The following BOK variants were observed in gnomAD, a reference collection of about 807,000 sequenced individuals.
The protein encoded by BOK is bcl-2-related ovarian killer protein.
In BOK, 20 loss-of-function variants were observed where a neutral mutation model predicts 18.3. That is an observed-to-expected ratio of 1.09 (90% CI 0.77 to 1.59). The LOEUF (loss-of-function observed/expected upper bound fraction) is 1.59, where lower values mean the gene tolerates loss of function less well. Ranked by LOEUF, BOK falls within the 40% of genes most tolerant of loss-of-function variation. The probability of loss-of-function intolerance (pLI) is 0.00; values close to 1 mark genes in which losing one functional copy is unlikely to be tolerated. For synonymous variants in BOK, 173 were observed against 142.4 expected, an observed-to-expected ratio of 1.21 and a Z score of -1.53; for missense variants, 348 against 307.9, an observed-to-expected ratio of 1.13 and a Z score of -0.97.
chr2:241,569,076 A>G (rs2066662494), intron 3 of BOK, among the ~76,000 whole-genome samples: 1 of 152,198 alleles, frequency 6.6e-6, no homozygotes, highest in African/African-American at 2.4e-5. Flanking sequence ...CTTCCCACCA[A>G]GGTTTACAAG....
At chr2:241,555,865 A>C (rs997341875), upstream of BOK, among the ~76,000 whole-genome samples, 1 of 152,212 alleles carries the variant, frequency 6.6e-6, no homozygotes, top group African/African-American at 2.4e-5. Context: ...AGGAAGTATG[A>C]GTTCATTCTG....
chr2:241,569,853 G>C (rs905821936), intron 3 of BOK, among the ~76,000 whole-genome samples: 3 of 152,214 alleles, frequency 2.0e-5, no homozygotes, highest in African/African-American at 4.8e-5. Context: ...TCCATCTGCT[G>C]CTGCCCTCAG....
chr2:241,569,090 G>A (rs1043432340), intron 3 of BOK, among the ~76,000 whole-genome samples: 1 of 152,196 alleles, frequency 6.6e-6, no homozygotes, highest in Non-Finnish European at 1.5e-5. Context: ...TTACAAGGCT[G>A]TGCAGTGGCC....
chr2:241,559,792 A>G (rs1282759242), intron 2 of BOK, 89 bp downstream of exon 2: 1 of 1,240,340 alleles, frequency 8.1e-7, no homozygotes, highest in Non-Finnish European at 1.0e-6. Flanking sequence ...GGTCCGGCCC[A>G]GGGGCGCCCA....
At chr2:241,557,308 CTTTTT>C (rs59048690), upstream of BOK, among the ~76,000 whole-genome samples, 174 of 126,750 alleles carry the variant, frequency 1.4e-3, 1 homozygote, top group African/African-American at 4.7e-3. Flanking sequence ...TTTCTTTTTC[CTTTTT>C]TTTTTTTTTT....
chr2:241,560,900 C>T (rs1025369722), intron 2 of BOK, among the ~76,000 whole-genome samples: 1 of 152,226 alleles, frequency 6.6e-6, no homozygotes, highest in Non-Finnish European at 1.5e-5. Context: ...TCTGCCCTCA[C>T]GGCTGCTCAG....
At chr2:241,555,897 T>C (rs2066447064), upstream of BOK, among the ~76,000 whole-genome samples, 1 of 152,114 alleles carries the variant, frequency 6.6e-6, no homozygotes, top group African/African-American at 2.4e-5. Context: ...ACTGAGCCTG[T>C]GAATGGGGCA....
Position 241,562,437 on chromosome 2 carries a change from G to T in BOK, c.310G>T (p.Asp104Tyr). 6.2e-7 allele frequency: 1 copy of T among 1,612,138 alleles called. No individual in the cohort carries two copies. The highest frequency in any genetic ancestry group is 8.5e-7 in the Non-Finnish European group (1 of 1,179,848). ...CCTGCAGTCTGAGCCTGTGGTGACC[G>T]ATGCGTTCCTGGCCGTGGCTGGCCA... ...ISLQSEPVVT[D>Y]AFLAVAGHIF... Residue 104 changes from aspartate (D) to tyrosine (Y), a missense_variant, in exon 3 of 5, where the codon GAT (aspartate) becomes TAT (tyrosine). Physicochemically the swap from Asp to Tyr is radical, Grantham distance 160. Transcript: ENST00000318407. This position sits in a 1 kb window ranked among gnomAD's most constrained non-coding sequence, Gnocchi z 4.5.
intron 1 of BOK, among the ~76,000 whole-genome samples, chr2:241,553,310 C>T (rs2066427377): frequency 6.6e-6 from 1 of 152,078 alleles, no homozygotes; most frequent in Admixed American, 6.5e-5. Flanking sequence ...GCTACCACAC[C>T]CAGCTAATTT....
At chr2:241,563,565 G>A (rs1345929789) in intron 3 of BOK, among the ~76,000 whole-genome samples, 3 of 152,220 alleles carry the variant, frequency 2.0e-5, no homozygotes, top group Non-Finnish European at 2.9e-5. Flanking sequence ...AAGCTTGGAG[G>A]AGGGGCATGC....
intron 1 of BOK, 39 bp from the exon 2 acceptor site, chr2:241,559,416 G>T: frequency 8.0e-7 from 1 of 1,252,852 alleles, no homozygotes; most frequent in Non-Finnish European, 1.0e-6. Flanking sequence ...CGTTCCCCGC[G>T]CCGCCTCCCT....
intron 2 of BOK, among the ~76,000 whole-genome samples, chr2:241,561,211 C>T (rs2066522510): frequency 6.6e-6 from 1 of 152,244 alleles, no homozygotes; most frequent in Non-Finnish European, 1.5e-5. Context: ...ACTGGCCGGG[C>T]TGCGGACTCC....
At position 241,570,195 on chromosome 2, in the gene BOK, G is replaced by A. The variant is rs1225195195; in HGVS notation, c.420G>A (p.Gln140=). The stretch of plus-strand genomic sequence containing the variant: ...GGCTGGCCGTGGACTGTGTGAGGCA[G>A]GCCCAGCCTGCCATGGTCCACGCCC... ...AAGLAVDCVR[Q]AQPAMVHALV... The change falls in exon 4 of 5, where the codon CAG becomes CAA. Residue 140 remains glutamine, a synonymous_variant. Transcript: ENST00000318407. 1 of 1,607,606 alleles carries A rather than the reference G, an allele frequency of 6.2e-7. No homozygotes were observed.
At chr2:241,572,186 C>T in intron 4 of BOK, 111 bp from the exon 5 acceptor site, 2 of 1,484,882 alleles carry the variant, frequency 1.3e-6, no homozygotes, top group Non-Finnish European at 1.8e-6. Context: ...TCCTGCATTC[C>T]CTTCATGCAA....
intron 2 of BOK, chr2:241,560,159 G>A: frequency 2.0e-6 from 2 of 985,480 alleles, no homozygotes; most frequent in Non-Finnish European, 2.4e-6. Flanking sequence ...GCGCCCACCG[G>A]GCTGGGTAGC....
At chr2:241,559,414 G>A (rs1475855746) in intron 1 of BOK, 41 bp from the exon 2 acceptor site, 3 of 1,251,624 alleles carry the variant, frequency 2.4e-6, no homozygotes, top group East Asian at 6.4e-5. Context: ...CCCGTTCCCC[G>A]CGCCGCCTCC....
rs898312597 is a variant in BOK, at chr2:241,558,891, G to C, written c.-132G>C. 1 of 151,846 alleles carries C rather than the reference G, an allele frequency of 6.6e-6. No individual in the cohort carries two copies. Among genetic ancestry groups the C allele is most frequent in the African/African-American group, 2.4e-5 (1 of 41,404 alleles). The allele number at this position is 151,846 out of a possible 1,614,324, so 9.4% of individuals were successfully genotyped here. On this transcript the variant is annotated 5_prime_UTR_variant, in exon 1 of 5. Transcript: ENST00000318407. The stretch of plus-strand genomic sequence containing the variant: ...CGGGGCGGGCGCCGGGGCGGGGCGC[G>C]CGTCCTCGCGGGTCTGAATGGAAGG...
chr2:241,561,207 C>T (rs1424953773), intron 2 of BOK, among the ~76,000 whole-genome samples: 7 of 152,246 alleles, frequency 4.6e-5, no homozygotes, highest in East Asian at 1.9e-4. Context: ...GAGAACTGGC[C>T]GGGCTGCGGA....
intron 1 of BOK, among the ~76,000 whole-genome samples, chr2:241,551,976 G>C (rs1268510731): frequency 1.3e-5 from 2 of 152,200 alleles, no homozygotes; most frequent in Non-Finnish European, 2.9e-5. Context: ...TTTGAAGATG[G>C]GGGAAGAATG....
Sources: allele counts gnomAD v4.1 joint callset (sites outside exome capture counted in the v4.1 genomes callset), GRCh38; gene constraint gnomAD v4.1.1; non-coding constraint Gnocchi (gnomAD v3.1); transcripts MANE v1.5; gene names NCBI Gene and HGNC (gene_info 2026-07-23, HGNC 2026-07-21).